PAPSS2: variants seen among roughly 807,000 people sequenced by gnomAD.
PAPSS2 encodes the protein bifunctional 3'-phosphoadenosine 5'-phosphosulfate synthase 2.
Under a neutral mutation model 66.5 loss-of-function variants are expected in PAPSS2, and 61 were observed. That is an observed-to-expected ratio of 0.92 (90% CI 0.75 to 1.14). PAPSS2 has a LOEUF of 1.14. Ranked by LOEUF, PAPSS2 falls within the 50% of genes most tolerant of loss-of-function variation. PAPSS2 has a pLI of 0.00. For synonymous variants in PAPSS2, 289 were observed against 287.5 expected (o/e 1.01, Z -0.05); for missense variants, 708 against 789.6 (o/e 0.90, Z 1.24).
In PAPSS2 at chr10:87,745,964, G is replaced by T; in HGVS notation, c.1854G>T (p.Lys618Asn). 6.2e-7 allele frequency: 1 copy of T among 1,614,028 alleles called. No homozygotes were observed. The highest frequency in any genetic ancestry group is 1.1e-5 in the South Asian group (1 of 91,070). The change falls in exon 13 of 13, where the codon AAG becomes AAT. Residue 618 changes from lysine (K) to asparagine (N), a missense_variant. Coordinates refer to ENST00000456849, the MANE Select transcript of PAPSS2 (RefSeq NM_001015880.2). ...CAGATTATTACAGGTCCCTGGAGAA[G>T]AACTAAGCCTTTGGCTCCAGAGTTT... is the stretch of plus-strand genomic sequence containing the variant. ...VLTDYYRSLE[K>N]N
chr10:87,662,549 T>G, intron 1 of PAPSS2, among the ~76,000 whole-genome samples: 1 of 151,254 alleles, frequency 6.6e-6, no homozygotes, highest in African/African-American at 2.4e-5. Flanking sequence ...CAACCCTGGC[T>G]ACCCTCCCAC....
Position 87,745,899 on chromosome 10 carries a change from C to T in PAPSS2, c.1789C>T (p.Pro597Ser). 6.2e-7 allele frequency: 1 copy of T among 1,614,014 alleles called. No homozygotes were observed. The change falls in exon 13 of 13, where the codon CCA becomes TCA. Residue 597 changes from proline (P) to serine (S), a missense_variant. By Grantham distance (74) the Pro-to-Ser change is moderately conservative. Coordinates refer to ENST00000456849, the MANE Select transcript of PAPSS2 (RefSeq NM_001015880.2). ...RKLAREGENP[P>S]DGFMAPKAWK... is the part of the protein sequence containing the mutation. ...GCTCGCCCGGGAAGGAGAGAATCCCCCAGATGGCTTCATGGCCCCCAAAGC... is the reference window on the plus strand; with the variant it reads ...GCTCGCCCGGGAAGGAGAGAATCCCTCAGATGGCTTCATGGCCCCCAAAGC...
chr10:87,743,254 A>AT, intron 10 of PAPSS2, 119 bp from the exon 11 acceptor site: 1 of 1,135,908 alleles, frequency 8.8e-7, no homozygotes, highest in South Asian at 1.3e-5. Context: ...AAAAAAAAAA[A>AT]AAAAGCCAGT....
At chr10:87,660,804 G>GGA (rs1852741027) in intron 1 of PAPSS2, among the ~76,000 whole-genome samples, 1 of 114,106 alleles carries the variant, frequency 8.8e-6, no homozygotes, top group Admixed American at 1.0e-4. Flanking sequence ...CCAATAAACT[G>GGA]AAAAAAAAAA....
chr10:87,724,849 T>TACACACACACAC (rs1468115844), intron 8 of PAPSS2, among the ~76,000 whole-genome samples: 20 of 52,090 alleles, frequency 3.8e-4, no homozygotes, highest in South Asian at 9.5e-4. Flanking sequence ...AATCTCTGTC[T>TACACACACACAC]ATACACACAC....
chr10:87,660,011 A>G lies in PAPSS2; in HGVS notation c.27+3A>G, dbSNP rs892248291. ...CGGGGATCAAGAAGCAAAAGACGGT[A>G]GGCTTCCAGGCGCCGGCTTCCCTCC... On this transcript the variant is annotated splice_donor_region_variant and intron_variant, in intron 1 of 12. Transcript: ENST00000456849. 8.1e-6 allele frequency: 13 copies of G among 1,612,154 alleles called. No individual in the cohort carries two copies. In the African/African-American group the frequency reaches 1.6e-4, roughly 20 times the overall value.
At chr10:87,745,317 A>G (rs1372274160) in intron 12 of PAPSS2, 86 bp downstream of exon 12, 2 of 1,037,530 alleles carry the variant, frequency 1.9e-6, no homozygotes, top group Non-Finnish European at 2.9e-6. Context: ...AAAACTCTCC[A>G]GTGCATTGCC....
intron 10 of PAPSS2, 86 bp from the exon 11 acceptor site, chr10:87,743,287 T>A: frequency 3.7e-5 from 45 of 1,220,130 alleles, no homozygotes; most frequent in Non-Finnish European, 5.1e-5. Context: ...CACAGAACAA[T>A]AAACATAGCT....
At position 87,732,300 on chromosome 10, in the gene PAPSS2, T is replaced by C. The variant is rs987095086; in HGVS notation, c.1086+4811T>C. On this transcript the variant is annotated intron_variant, in intron 9 of 12. Transcript: ENST00000456849. ...TAATCCCAACACTTTGGGAGGCCGATTGTTTCAGCCCAGGAGTTTGAGATC... is the reference window on the plus strand; with the variant it reads ...TAATCCCAACACTTTGGGAGGCCGACTGTTTCAGCCCAGGAGTTTGAGATC... Among the ~76,000 whole-genome samples the C allele has an allele frequency of 4.6e-5, 7 of 152,038 alleles. No individual in the cohort carries two copies. The South Asian group carries it at 1.5e-3, about 32-fold the overall frequency.
chr10:87,697,670 T>G lies in PAPSS2; in HGVS notation c.28-11526T>G, dbSNP rs542561370. ...GAACCAAGATGGAAAGCACAGAACATATGATTATGATTCCAAGTGAAAGAT... is the reference window on the plus strand; with the variant it reads ...GAACCAAGATGGAAAGCACAGAACAGATGATTATGATTCCAAGTGAAAGAT... On this transcript the variant is annotated intron_variant, in intron 1 of 12. Transcript: ENST00000456849. Among the ~76,000 whole-genome samples, 13 of 152,276 alleles carry G rather than the reference T, an allele frequency of 8.5e-5. 1 individual carries two copies. In the South Asian group the frequency reaches 2.7e-3, roughly 32 times the overall value.
rs1853515214 is a variant in PAPSS2 at position 87,715,010 on chromosome 10, A to C, written c.665A>C (p.Lys222Thr). Residue 222 changes from lysine (K) to threonine (T), a missense_variant, in exon 6 of 13, where the codon AAA (lysine) becomes ACA (threonine). Lys to Thr is a moderately conservative substitution (Grantham distance 78, BLOSUM62 -1). Coordinates refer to ENST00000456849, the MANE Select transcript of PAPSS2 (RefSeq NM_001015880.2). ...AACATTGTACCCTATACTATAATCAAAGATATCCACGAACTCTTTGTGCCG... is the reference window on the plus strand; with the variant it reads ...AACATTGTACCCTATACTATAATCACAGATATCCACGAACTCTTTGTGCCG... ...EQNIVPYTII[K>T]DIHELFVPEN... is the part of the protein sequence containing the mutation. The C allele has an allele frequency of 6.2e-7, 1 of 1,612,118 alleles. No homozygotes were observed. Among genetic ancestry groups the C allele is most frequent in the African/African-American group, 1.3e-5 (1 of 75,016 alleles).
chr10:87,741,461 C>A, intron 10 of PAPSS2, 91 bp downstream of exon 10: 1 of 1,078,902 alleles, frequency 9.3e-7, no homozygotes, highest in Non-Finnish European at 1.4e-6. Context: ...ATGGCACGAT[C>A]TCAGCTCACT....
intron 9 of PAPSS2, among the ~76,000 whole-genome samples, chr10:87,733,530 GA>G (rs1227344991): frequency 6.6e-6 from 1 of 152,206 alleles, no homozygotes; most frequent in African/African-American, 2.4e-5. Flanking sequence ...CTCAATGAAA[GA>G]TGGGAATGAG....
At chr10:87,745,337 C>T (rs1162990199) in intron 12 of PAPSS2, 106 bp downstream of exon 12, 1 of 861,240 alleles carries the variant, frequency 1.2e-6, no homozygotes, top group East Asian at 2.6e-5. Context: ...CACATGCTCC[C>T]AAGTGGACTG....
rs566572519 is a variant in PAPSS2 at position 87,660,380 on chromosome 10, G to A, written c.27+372G>A. 59 of 375,100 alleles carry A rather than the reference G, an allele frequency of 1.6e-4. No individual in the cohort carries two copies. In the South Asian group the frequency reaches 2.1e-3, roughly 13 times the overall value. The allele number at this position is 375,100 out of a possible 1,614,324, so 23.2% of individuals were successfully genotyped here. ...TTTTCTTCTGTAGGGTCTCGGAGCAGATCGAGCTGACTCCCGTTCTGCCAG... is the reference window on the plus strand; with the variant it reads ...TTTTCTTCTGTAGGGTCTCGGAGCAAATCGAGCTGACTCCCGTTCTGCCAG... On this transcript the variant is annotated intron_variant, in intron 1 of 12. Coordinates refer to ENST00000456849, the MANE Select transcript of PAPSS2 (RefSeq NM_001015880.2).
intron 9 of PAPSS2, among the ~76,000 whole-genome samples, chr10:87,739,213 T>G (rs1201397264): frequency 6.6e-6 from 1 of 152,214 alleles, no homozygotes; most frequent in East Asian, 1.9e-4. Context: ...TCCAACTTCA[T>G]TCCTTTGCAT....
intron 9 of PAPSS2, among the ~76,000 whole-genome samples, chr10:87,732,065 AT>A (rs1251810849): frequency 6.6e-6 from 1 of 152,200 alleles, no homozygotes; most frequent in Non-Finnish European, 1.5e-5. Flanking sequence ...GTCAATTGAT[AT>A]GACCAACTTC....
chr10:87,730,377 G>C (rs532520027), intron 9 of PAPSS2, among the ~76,000 whole-genome samples: 4 of 152,246 alleles, frequency 2.6e-5, no homozygotes, highest in African/African-American at 9.6e-5. Flanking sequence ...AGGTTACGCT[G>C]GTAAGACAGG....
rs757872733 is a variant in PAPSS2, at chr10:87,727,239, A to C, written c.881-45A>C. The C allele has an allele frequency of 6.6e-6, 10 of 1,515,094 alleles. No individual in the cohort carries two copies. The Admixed American group carries it at 1.7e-4, about 25-fold the overall frequency. 93.9% of individuals were successfully genotyped at this position (1,515,094 alleles called of 1,614,324 possible). On this transcript the variant is annotated intron_variant, in intron 8 of 12. Coordinates refer to ENST00000456849, the MANE Select transcript of PAPSS2 (RefSeq NM_001015880.2). The stretch of plus-strand genomic sequence containing the variant: ...ATTTGATTCATGCTTCAAGGATGGC[A>C]CACCTTATATCTAGTTTTCGTGCAT...
Sources: gnomAD v4.1 joint callset for allele counts (sites outside exome capture counted in the v4.1 genomes callset) on GRCh38, gnomAD v4.1.1 for gene constraint, MANE v1.5 for transcripts, NCBI Gene and HGNC (gene_info 2026-07-23, HGNC 2026-07-21) for gene names.